The following KAZN variants were observed in gnomAD, a reference collection of about 807,000 sequenced individuals.
KAZN encodes the protein kazrin, periplakin interacting protein, also known as kazrin.
KAZN carries 40 observed loss-of-function variants against 87.4 expected under a neutral mutation model. The ratio of observed to expected loss-of-function variants is 0.46; its 90% CI spans 0.36 to 0.60. KAZN has a LOEUF of 0.60. Ranked by LOEUF, KAZN falls within the 20% of genes least tolerant of loss-of-function variation. The pLI is 0.00. For synonymous variants in KAZN, 466 were observed against 458.3 expected (o/e 1.02, Z -0.22); for missense variants, 898 against 1,073.9 (o/e 0.84, Z 2.29).
chr1:14,528,107 A>C (rs1304617552), intron 2 of KAZN, among the ~76,000 whole-genome samples: 1 of 151,912 alleles, frequency 6.6e-6, no homozygotes, highest in East Asian at 1.9e-4. Context: ...CCATGTGGTT[A>C]GCACAGGCTT....
intron 1 of KAZN, among the ~76,000 whole-genome samples, chr1:14,909,412 G>A (rs114253600): frequency 0.01 from 1,592 of 152,174 alleles, 15 homozygotes; most frequent in South Asian, 0.02. Flanking sequence ...TGCAATCTCC[G>A]CCTCCGACAT....
intron 1 of KAZN, among the ~76,000 whole-genome samples, chr1:13,896,177 A>G (rs1639035972): frequency 6.6e-6 from 1 of 152,168 alleles, no homozygotes; most frequent in African/African-American, 2.4e-5. Context: ...GCAAAGAGCC[A>G]GATAATAAAT....
chr1:13,988,386 C>T (rs1465162736), intron 1 of KAZN, among the ~76,000 whole-genome samples: 1 of 152,102 alleles, frequency 6.6e-6, no homozygotes, highest in African/African-American at 2.4e-5. Flanking sequence ...AATTTTATAT[C>T]TTGTCCAAGT....
chr1:14,556,486 T>C (rs889113148), intron 2 of KAZN, among the ~76,000 whole-genome samples: 7 of 152,264 alleles, frequency 4.6e-5, no homozygotes, highest in Middle Eastern at 3.4e-3. Context: ...CAGGGACTCA[T>C]GGAGGTGTGG....
chr1:14,029,615 G>T (rs1405451191), intron 1 of KAZN, among the ~76,000 whole-genome samples: 1 of 151,016 alleles, frequency 6.6e-6, no homozygotes, highest in East Asian at 1.9e-4. Context: ...TAGGTCTAAC[G>T]TTTAAGTCTT....
chr1:14,023,675 T>A (rs7535352), intron 1 of KAZN, among the ~76,000 whole-genome samples: 1 of 151,732 alleles, frequency 6.6e-6, no homozygotes, highest in African/African-American at 2.4e-5. Context: ...CAAGGAACGG[T>A]AAACAAACAA....
intron 1 of KAZN, among the ~76,000 whole-genome samples, chr1:14,149,771 C>T (rs1264673926): frequency 1.3e-5 from 2 of 152,064 alleles, no homozygotes; most frequent in African/African-American, 4.8e-5. Context: ...TAGTCAAATA[C>T]CATGATTTTT....
At chr1:14,415,054 T>C (rs1486119685) in intron 2 of KAZN, among the ~76,000 whole-genome samples, 2 of 151,642 alleles carry the variant, frequency 1.3e-5, no homozygotes, top group Non-Finnish European at 2.9e-5. Flanking sequence ...CGTACATACA[T>C]ACAAAAAAGG....
intron 2 of KAZN, among the ~76,000 whole-genome samples, chr1:14,443,988 A>G (rs1406655299): frequency 2.0e-5 from 3 of 152,168 alleles, no homozygotes; most frequent in African/African-American, 7.2e-5. Context: ...AAGACAGGTA[A>G]ATTGAAAGTT....
At chr1:14,180,293 T>G in intron 1 of KAZN, 1 of 659,898 alleles carries the variant, frequency 1.5e-6, no homozygotes, top group Non-Finnish European at 2.6e-6. Context: ...TTAATGGAAT[T>G]TATAGATGTG....
At position 14,423,035 on chromosome 1, in the gene KAZN, C is replaced by T. The variant is rs115228633; in HGVS notation, c.250-175948C>T. Among the ~76,000 whole-genome samples, 1,288 of 152,292 alleles carry T rather than the reference C, an allele frequency of 8.5e-3. 16 individuals carry two copies. Among genetic ancestry groups the T allele is most frequent in the African/African-American group, 0.03 (1,234 of 41,558 alleles). Reference sequence around the variant, plus strand: ...GTGAAAACTTTTGCTCAAATTATCACTTTTATAAACAGATAAAGAGGAAGC... The same window carrying T: ...GTGAAAACTTTTGCTCAAATTATCATTTTTATAAACAGATAAAGAGGAAGC... On this transcript the variant is annotated intron_variant, in intron 2 of 16. Coordinates refer to the KAZN transcript ENST00000636203.
chr1:14,022,013 A>G (rs1640850075), intron 1 of KAZN, among the ~76,000 whole-genome samples: 1 of 118,498 alleles, frequency 8.4e-6, no homozygotes, highest in East Asian at 2.6e-4. Flanking sequence ...AGTCTGTTCC[A>G]TCAGTCTATT....
chr1:15,028,864 GTC>G (rs1387368357), intron 2 of KAZN, among the ~76,000 whole-genome samples: 1 of 152,164 alleles, frequency 6.6e-6, no homozygotes, highest in African/African-American at 2.4e-5. Context: ...GCCCTGGTGT[GTC>G]TGTTAGGAAT....
chr1:13,970,479 T>G (rs199794001), intron 1 of KAZN, among the ~76,000 whole-genome samples: 4 of 151,996 alleles, frequency 2.6e-5, no homozygotes, highest in African/African-American at 9.7e-5. Flanking sequence ...CATGGAAGAG[T>G]TGGAGTTTGA....
chr1:14,426,789 G>A (rs953395518), intron 2 of KAZN, among the ~76,000 whole-genome samples: 4 of 152,166 alleles, frequency 2.6e-5, no homozygotes, highest in Non-Finnish European at 2.9e-5. Context: ...GGAACAGGGA[G>A]TCAGCCCCTT....
chr1:13,929,160 T>C (rs913612364), intron 1 of KAZN, among the ~76,000 whole-genome samples: 1 of 149,508 alleles, frequency 6.7e-6, no homozygotes, highest in Non-Finnish European at 1.5e-5. Context: ...GCTCAGGCAA[T>C]CTTTCCACCT....
chr1:14,928,449 AAAAAAAAAAC>A (rs201348958), intron 1 of KAZN, among the ~76,000 whole-genome samples: 4,281 of 135,598 alleles, frequency 0.032, 193 homozygotes, highest in East Asian at 0.1. Context: ...ACTCAGTCTC[AAAAAAAAAAC>A]AAAAAAAAAG....
chr1:13,984,382 G>A (rs995615784), intron 1 of KAZN, among the ~76,000 whole-genome samples: 3 of 152,212 alleles, frequency 2.0e-5, no homozygotes, highest in Non-Finnish European at 4.4e-5. Context: ...TACTGGAATT[G>A]CCAACAGAAA....
chr1:14,280,856 C>A (rs1652794377), intron 2 of KAZN, among the ~76,000 whole-genome samples: 2 of 152,208 alleles, frequency 1.3e-5, no homozygotes, highest in Admixed American at 1.3e-4. Flanking sequence ...ACTTCTGCCT[C>A]ATAATGACTC....
Sources: gnomAD v4.1 joint callset for allele counts (sites outside exome capture counted in the v4.1 genomes callset) on GRCh38, gnomAD v4.1.1 for gene constraint, MANE v1.5 for transcripts, NCBI Gene and HGNC (gene_info 2026-07-23, HGNC 2026-07-21) for gene names.